TXNRD1: variants seen among roughly 807,000 people sequenced by gnomAD.
TXNRD1 encodes the protein thioredoxin reductase 1, cytoplasmic.
In TXNRD1, 57 loss-of-function variants were observed where a neutral mutation model predicts 80.3. The ratio of observed to expected loss-of-function variants is 0.71; its 90% CI spans 0.57 to 0.89. The LOEUF (loss-of-function observed/expected upper bound fraction) is 0.89, where lower values mean the gene tolerates loss of function less well. TXNRD1 is among the 40% of genes least tolerant of loss of function. The pLI, the probability that TXNRD1 is intolerant of heterozygous loss-of-function variation, is 0.00. For synonymous variants in TXNRD1, 291 were observed against 285.2 expected (o/e 1.02, Z -0.20); for missense variants, 730 against 803.0 (o/e 0.91, Z 1.10).
chr12:104,254,125 T>C (rs1341935341), intron 2 of TXNRD1, among the ~76,000 whole-genome samples: 1 of 152,172 alleles, frequency 6.6e-6, no homozygotes, highest in Non-Finnish European at 1.5e-5. Flanking sequence ...ACTTTAGTTA[T>C]TTACCTGTGG....
intron 2 of TXNRD1, among the ~76,000 whole-genome samples, chr12:104,254,644 A>AAAATATAT: frequency 2.2e-4 from 21 of 93,636 alleles, no homozygotes; most frequent in African/African-American, 9.3e-4. Context: ...AAAAAAAAAA[A>AAAATATAT]ATATATATAT....
Position 104,319,042 on chromosome 12 carries a change from C to T in TXNRD1, c.860C>T (p.Pro287Leu). ...YENAYGQFIG[P>L]HRIKATNNKG... is the part of the protein sequence containing the mutation. The stretch of plus-strand genomic sequence containing the variant: ...AATGCTTATGGGCAATTTATTGGTC[C>T]TCACAGGATTAAGGTAATTGTGTGA... The change falls in exon 8 of 17, where the codon CCT (proline) becomes CTT (leucine). Residue 287 changes from proline to leucine, a missense_variant. By Grantham distance (98) the Pro-to-Leu change is moderately conservative. Transcript: ENST00000525566. 2 of 1,612,600 alleles carry T rather than the reference C, an allele frequency of 1.2e-6. No homozygotes were observed. The highest frequency in any genetic ancestry group is 1.7e-6 in the Non-Finnish European group (2 of 1,179,588).
chr12:104,341,331 TGGGTGAAATC>T (rs1242189558), intron 16 of TXNRD1, among the ~76,000 whole-genome samples: 2 of 152,140 alleles, frequency 1.3e-5, no homozygotes, highest in Non-Finnish European at 2.9e-5. Flanking sequence ...TAAAAAAAAT[TGGGTGAAATC>T]GCACTCTGTG....
intron 6 of TXNRD1, among the ~76,000 whole-genome samples, chr12:104,315,353 T>C (rs2035288053): frequency 1.3e-5 from 2 of 152,202 alleles, no homozygotes; most frequent in Non-Finnish European, 2.9e-5. Flanking sequence ...AATAAAGTGT[T>C]GAATATCTCA....
At chr12:104,325,276 G>A (rs999252105) in intron 10 of TXNRD1, 61 bp from the exon 11 acceptor site, 80 of 1,323,250 alleles carry the variant, frequency 6.0e-5, no homozygotes, top group Middle Eastern at 1.8e-4. Flanking sequence ...GGAAGGGGAA[G>A]GTAGAGAATC....
At chr12:104,217,294 A>T (rs1490361537) in intron 1 of TXNRD1, among the ~76,000 whole-genome samples, 2 of 150,730 alleles carry the variant, frequency 1.3e-5, no homozygotes, top group Admixed American at 6.7e-5. Context: ...TTAAAAAAAA[A>T]AAATTTACCA....
At position 104,315,867 on chromosome 12, in the gene TXNRD1, G is replaced by T; in HGVS notation, c.701G>T (p.Arg234Leu). The T allele has an allele frequency of 6.2e-7, 1 of 1,612,050 alleles. No individual in the cohort carries two copies. The highest frequency in any genetic ancestry group is 8.5e-7 in the Non-Finnish European group (1 of 1,178,706). The stretch of plus-strand genomic sequence containing the variant: ...TTAGGACAAGCCCTGCAAGACTCTC[G>T]AAATTATGGATGGAAAGTCGAGGAG... ...ALLGQALQDS[R>L]NYGWKVEETV... is the part of the protein sequence containing the mutation. Residue 234 changes from arginine to leucine, a missense_variant, in exon 7 of 17, where the codon CGA (arginine) becomes CTA (leucine). By Grantham distance (102) the Arg-to-Leu change is moderately radical (BLOSUM62 -2). Coordinates refer to ENST00000525566, the MANE Select transcript of TXNRD1 (RefSeq NM_001093771.3).
chr12:104,261,786 A>C lies in TXNRD1; in HGVS notation c.304+3707A>C, dbSNP rs150863250. 5.5e-3 allele frequency among the ~76,000 whole-genome samples: 839 copies of C among 152,234 alleles called. 9 individuals are homozygous for C. The highest frequency in any genetic ancestry group is 0.019 in the African/African-American group (800 of 41,574). On this transcript the variant is annotated intron_variant, in intron 3 of 16. Coordinates refer to ENST00000525566, the MANE Select transcript of TXNRD1 (RefSeq NM_001093771.3). ...ATTTATTTTGAGACGAAATAAGTGC[A>C]TTCTCAGCTCAGTGAGCAAAGGTGC...
intron 2 of TXNRD1, among the ~76,000 whole-genome samples, chr12:104,256,432 G>A (rs541309402): frequency 1.2e-4 from 19 of 152,232 alleles, no homozygotes; most frequent in African/African-American, 4.6e-4. Context: ...GAGTGGTGGG[G>A]GGAACTGAAT....
At chr12:104,331,893 T>C (rs963240864) in intron 14 of TXNRD1, among the ~76,000 whole-genome samples, 6 of 152,114 alleles carry the variant, frequency 3.9e-5, no homozygotes, top group Admixed American at 3.9e-4. Context: ...AATACTTTAT[T>C]GTGTATTTCT....
intron 7 of TXNRD1, 41 bp downstream of exon 7, chr12:104,315,937 G>C (rs1362716293): frequency 1.9e-6 from 3 of 1,570,360 alleles, no homozygotes; most frequent in Non-Finnish European, 2.6e-6. Context: ...GTGCTTTTGG[G>C]GGTTTGAGCT....
intron 1 of TXNRD1, among the ~76,000 whole-genome samples, chr12:104,227,882 T>C (rs2032509637): frequency 6.6e-6 from 1 of 152,260 alleles, no homozygotes; most frequent in South Asian, 2.1e-4. Flanking sequence ...TATTACTGAG[T>C]GGTATTACAT....
intron 1 of TXNRD1, among the ~76,000 whole-genome samples, chr12:104,238,783 G>T (rs987670572): frequency 6.6e-6 from 1 of 151,806 alleles, no homozygotes; most frequent in African/African-American, 2.4e-5. Flanking sequence ...TGCTGGATTT[G>T]GTTTGTTAAT....
chr12:104,291,420 C>T (rs1171230437), intron 4 of TXNRD1, among the ~76,000 whole-genome samples: 7 of 144,338 alleles, frequency 4.8e-5, no homozygotes, highest in Non-Finnish European at 9.1e-5. Flanking sequence ...AGGCTGGTCT[C>T]GAACTCCTGA....
intron 4 of TXNRD1, among the ~76,000 whole-genome samples, chr12:104,302,785 G>C: frequency 6.6e-6 from 1 of 152,132 alleles, no homozygotes; most frequent in East Asian, 1.9e-4. Context: ...CACCGCGCCC[G>C]GCCATTCCCA....
chr12:104,256,895 A>C (rs767902285), intron 2 of TXNRD1, among the ~76,000 whole-genome samples: 1 of 151,502 alleles, frequency 6.6e-6, no homozygotes. Flanking sequence ...AATGATAGAA[A>C]TCTCCGAGTG....
intron 3 of TXNRD1, 156 bp from the exon 4 acceptor site, chr12:104,288,775 C>G: frequency 6.5e-7 from 1 of 1,534,330 alleles, no homozygotes; most frequent in African/African-American, 1.4e-5. Context: ...TAGCCTTTGT[C>G]AGAAATGCAG....
intron 3 of TXNRD1, among the ~76,000 whole-genome samples, chr12:104,272,233 C>G (rs1303624372): frequency 1.3e-5 from 2 of 152,098 alleles, no homozygotes; most frequent in Non-Finnish European, 2.9e-5. Context: ...GGTTCTTATC[C>G]CTGACACACG....
At chr12:104,252,063 CAAA>C (rs60195108) in intron 2 of TXNRD1, among the ~76,000 whole-genome samples, 6 of 55,084 alleles carry the variant, frequency 1.1e-4, no homozygotes, top group Admixed American at 2.0e-4. Flanking sequence ...GACTCCATCT[CAAA>C]AAAAAAAAAA....
Sources: gnomAD v4.1 joint callset for allele counts (sites outside exome capture counted in the v4.1 genomes callset) on GRCh38, gnomAD v4.1.1 for gene constraint, MANE v1.5 for transcripts, NCBI Gene and HGNC (gene_info 2026-07-23, HGNC 2026-07-21) for gene names.